The following SFXN1 variants were observed in gnomAD, a reference collection of about 807,000 sequenced individuals.
The protein encoded by SFXN1 is sideroflexin 1.
Under a neutral mutation model 39.5 loss-of-function variants are expected in SFXN1, and 32 were observed. The observed-to-expected ratio is 0.81, with a 90% CI of 0.61 to 1.09. The LOEUF (loss-of-function observed/expected upper bound fraction) is 1.09, where lower values mean the gene tolerates loss of function less well. Among genes scored for constraint, SFXN1 ranks in the 50% least tolerant of loss-of-function variants. The probability of loss-of-function intolerance (pLI) is 0.00; values close to 1 mark genes in which losing one functional copy is unlikely to be tolerated. For synonymous variants in SFXN1, 136 were observed against 146.5 expected, an observed-to-expected ratio of 0.93 and a Z score of 0.52; for missense variants, 402 against 407.1, an observed-to-expected ratio of 0.99 and a Z score of 0.11.
chr5:175,490,753 A>G (rs1033932533), intron 1 of SFXN1, among the ~76,000 whole-genome samples: 1 of 152,220 alleles, frequency 6.6e-6, no homozygotes, highest in African/African-American at 2.4e-5. Context: ...GATAAGCATT[A>G]TATGTCATGG....
In SFXN1 at chr5:175,516,805, C is replaced by G. The variant is rs912635277; in HGVS notation, c.774+142C>G. 7.2e-5 allele frequency: 55 copies of G among 760,104 alleles called. 3 individuals carry two copies. Among genetic ancestry groups the G allele is most frequent in the Non-Finnish European group, 9.0e-5 (44 of 491,264 alleles). The allele number at this position is 760,104 out of a possible 1,614,324, so 47.1% of individuals were successfully genotyped here. A position where few individuals can be genotyped will look rare whatever the true frequency, so the allele number is the denominator to read the frequency against. On this transcript the variant is annotated intron_variant, in intron 8 of 10. Coordinates refer to ENST00000321442, the MANE Select transcript of SFXN1 (RefSeq NM_022754.7). ...TCTTACGTAAATAAAAAGATGTTCC[C>G]AGGAAGATTTTATTTCTAATCTCAG...
At position 175,526,570 on chromosome 5, in the gene SFXN1, T is replaced by C. The variant is rs114830615; in HGVS notation, c.873-68T>C. On this transcript the variant is annotated intron_variant, in intron 10 of 10. Coordinates refer to ENST00000321442, the MANE Select transcript of SFXN1 (RefSeq NM_022754.7). ...GATCTCCACACCTGTGCCTTCTCCCTGCTCTTTCTAGGTCCTGATTCTCAC... is the reference window on the plus strand; with the variant it reads ...GATCTCCACACCTGTGCCTTCTCCCCGCTCTTTCTAGGTCCTGATTCTCAC... 9.5e-3 allele frequency: 12,493 copies of C among 1,312,898 alleles called. 880 individuals are homozygous for C. The African/African-American group carries it at 0.16, about 16-fold the overall frequency. 81.3% of individuals were successfully genotyped at this position (1,312,898 alleles called of 1,614,324 possible). A position where few individuals can be genotyped will look rare whatever the true frequency, so the allele number is the denominator to read the frequency against.
intron 1 of SFXN1, among the ~76,000 whole-genome samples, chr5:175,488,598 C>T (rs1356985449): frequency 1.3e-5 from 2 of 152,050 alleles, no homozygotes; most frequent in African/African-American, 2.4e-5. Context: ...CACGCCCGGC[C>T]GACACCAGAT....
At chr5:175,511,550 A>C in intron 5 of SFXN1, 24 bp downstream of exon 5, 1 of 1,596,488 alleles carries the variant, frequency 6.3e-7, no homozygotes, top group South Asian at 1.1e-5. Context: ...TATTTCCATA[A>C]TAAAGCTGTT....
At chr5:175,502,709 C>A (rs1760129566) in intron 2 of SFXN1, among the ~76,000 whole-genome samples, 1 of 152,072 alleles carries the variant, frequency 6.6e-6, no homozygotes, top group African/African-American at 2.4e-5. Flanking sequence ...GGCATGGTGG[C>A]ACATGCCTGT....
chr5:175,507,711 G>A (rs903129267), intron 2 of SFXN1, among the ~76,000 whole-genome samples: 4 of 152,058 alleles, frequency 2.6e-5, no homozygotes, highest in African/African-American at 9.7e-5. Flanking sequence ...GGTGGCCCAC[G>A]CCTGTAATCC....
chr5:175,495,726 C>T (rs1353767267), intron 2 of SFXN1, among the ~76,000 whole-genome samples: 1 of 72,916 alleles, frequency 1.4e-5, no homozygotes, highest in Non-Finnish European at 2.9e-5. Flanking sequence ...AAGACTTCGT[C>T]TCAAAAAAAA....
Position 175,524,457 on chromosome 5 carries a change from C to A in SFXN1, c.872+2035C>A, listed in dbSNP as rs561875938. The stretch of plus-strand genomic sequence containing the variant: ...TGTATAATAGTGCATTGTATGAATG[C>A]ACCACAGTTTCCCGTCTCCTATGTG... On this transcript the variant is annotated intron_variant, in intron 10 of 10. Coordinates refer to ENST00000321442, the MANE Select transcript of SFXN1 (RefSeq NM_022754.7). Among the ~76,000 whole-genome samples, 9 of 151,746 alleles carry A rather than the reference C, an allele frequency of 5.9e-5. No individual in the cohort carries two copies. The South Asian group carries it at 1.9e-3, about 31-fold the overall frequency.
chr5:175,508,973 T>A lies in SFXN1; in HGVS notation c.165-59T>A, dbSNP rs148423734. On this transcript the variant is annotated intron_variant, in intron 2 of 10. Transcript: ENST00000321442. ...TTAAAACCTTGTAGCCACTTGTCTC[T>A]AGGACACTGGGGAGATATTTGAAAT... 1,329 of 1,512,968 alleles carry A rather than the reference T, an allele frequency of 8.8e-4. 15 individuals are homozygous for A. In the African/African-American group the frequency reaches 0.016, roughly 19 times the overall value. 93.7% of individuals were successfully genotyped at this position (1,512,968 alleles called of 1,614,324 possible). A position where few individuals can be genotyped will look rare whatever the true frequency, so the allele number is the denominator to read the frequency against.
intron 1 of SFXN1, among the ~76,000 whole-genome samples, chr5:175,483,422 A>G (rs896241719): frequency 2.0e-5 from 3 of 152,182 alleles, no homozygotes; most frequent in Non-Finnish European, 4.4e-5. Context: ...CTTTAAAATC[A>G]TTCATGAAAA....
intron 8 of SFXN1, among the ~76,000 whole-genome samples, chr5:175,518,969 A>G (rs1240646303): frequency 6.6e-6 from 1 of 152,204 alleles, no homozygotes; most frequent in Non-Finnish European, 1.5e-5. Flanking sequence ...CAGCATGGGG[A>G]AAAATGTTTA....
At chr5:175,502,426 G>A (rs1760119524) in intron 2 of SFXN1, among the ~76,000 whole-genome samples, 1 of 152,174 alleles carries the variant, frequency 6.6e-6, no homozygotes, top group Admixed American at 6.5e-5. Context: ...GAATGAAAAA[G>A]GACAGCTTAA....
rs1760454864 is a variant in SFXN1, at chr5:175,509,997, T to G, written c.336-112T>G. On this transcript the variant is annotated intron_variant, in intron 3 of 10. Transcript: ENST00000321442. ...TCCTAAGCCTGTGTGGCCTTATGGC[T>G]TTCTCCCTTCCCCAGTACGTCTCCT... The G allele has an allele frequency of 4.3e-5, 35 of 806,712 alleles. 1 individual carries two copies. The South Asian group carries it at 5.9e-4, about 14-fold the overall frequency. The allele number at this position is 806,712 out of a possible 1,614,324, so 50.0% of individuals were successfully genotyped here.
intron 2 of SFXN1, among the ~76,000 whole-genome samples, chr5:175,501,535 T>C (rs2113306275): frequency 6.6e-6 from 1 of 152,240 alleles, no homozygotes; most frequent in Admixed American, 6.5e-5. Flanking sequence ...AGGAAAATAT[T>C]TGCAAAACTT....
At chr5:175,512,017 T>C in intron 5 of SFXN1, 94 bp from the exon 6 acceptor site, 1 of 1,179,046 alleles carries the variant, frequency 8.5e-7, no homozygotes, top group Admixed American at 2.2e-5. Flanking sequence ...AATGGGACTC[T>C]GCATTTTTCA....
Position 175,492,235 on chromosome 5 carries a change from C to T in SFXN1, c.132C>T (p.Leu44=), listed in dbSNP as rs541782902. 1.2e-4 allele frequency: 191 copies of T among 1,612,698 alleles called. No homozygotes were observed. The South Asian group carries it at 1.6e-3, about 14-fold the overall frequency. The change falls in exon 2 of 11, where the codon CTC becomes CTT. Residue 44 remains leucine (L), a synonymous_variant. Coordinates refer to ENST00000321442, the MANE Select transcript of SFXN1 (RefSeq NM_022754.7). The stretch of plus-strand genomic sequence containing the variant: ...ACATTCTGTTAACCAACGAACAACT[C>T]GAGAGTGCGAGAAAAATAGTACATG... ...PRNILLTNEQ[L]ESARKIVHDY...
At chr5:175,524,690 AAAAT>A (rs1286759985) in intron 10 of SFXN1, among the ~76,000 whole-genome samples, 1 of 152,132 alleles carries the variant, frequency 6.6e-6, no homozygotes, top group African/African-American at 2.4e-5. Flanking sequence ...AGAAATCAAT[AAAAT>A]AAATAACAGA....
intron 2 of SFXN1, among the ~76,000 whole-genome samples, chr5:175,508,406 T>C (rs373845697): frequency 6.6e-6 from 1 of 151,814 alleles, no homozygotes; most frequent in Non-Finnish European, 1.5e-5. Context: ...TTATTTATTT[T>C]TATTTTTTTA....
chr5:175,514,109 C>CT (rs1760636342), intron 7 of SFXN1, among the ~76,000 whole-genome samples: 1 of 152,000 alleles, frequency 6.6e-6, no homozygotes, highest in African/African-American at 2.4e-5. Flanking sequence ...ATCTGTGTGA[C>CT]TCTGGGTGGT....
Sources: allele counts gnomAD v4.1 joint callset (sites outside exome capture counted in the v4.1 genomes callset), GRCh38; gene constraint gnomAD v4.1.1; transcripts MANE v1.5; gene names NCBI Gene and HGNC (gene_info 2026-07-23, HGNC 2026-07-21).